The following PHF21A variants were observed in gnomAD, a reference collection of about 807,000 sequenced individuals.
The protein encoded by PHF21A is BHC80a.
PHF21A carries 11 observed loss-of-function variants against 82.5 expected under a neutral mutation model. That is an observed-to-expected ratio of 0.13 (90% confidence interval 0.08 to 0.22). The LOEUF is 0.22. Among genes scored for constraint, PHF21A ranks in the 10% least tolerant of loss-of-function variants. PHF21A has a pLI of 1.00. For missense variants in PHF21A, 579 were observed against 837.8 expected, an observed-to-expected ratio of 0.69 and a Z score of 3.81; for synonymous variants, 297 against 302.8, an observed-to-expected ratio of 0.98 and a Z score of 0.20.
At chr11:46,017,606 TCTC>T (rs2095542598) in intron 6 of PHF21A, among the ~76,000 whole-genome samples, 1 of 151,474 alleles carries the variant, frequency 6.6e-6, no homozygotes, top group Non-Finnish European at 1.5e-5. Context: ...ACCTCCCTCA[TCTC>T]CTCAAAAAAA....
intron 6 of PHF21A, among the ~76,000 whole-genome samples, chr11:45,993,328 C>T (rs1479353679): frequency 6.6e-6 from 1 of 151,986 alleles, no homozygotes; most frequent in Non-Finnish European, 1.5e-5. Context: ...CAGCACTTTA[C>T]GATTGTAAAT....
chr11:45,982,130 T>A (rs1325207913), intron 6 of PHF21A, among the ~76,000 whole-genome samples: 1 of 152,070 alleles, frequency 6.6e-6, no homozygotes, highest in African/African-American at 2.4e-5. Context: ...CTAATTTTTT[T>A]ATTTTTTGTA....
At chr11:46,026,261 C>T (rs943073072) in intron 6 of PHF21A, among the ~76,000 whole-genome samples, 2 of 152,142 alleles carry the variant, frequency 1.3e-5, no homozygotes, top group African/African-American at 4.8e-5. Context: ...CACCCCAGCT[C>T]AGTGGCATGG....
At chr11:46,021,071 A>C (rs532850031) in intron 6 of PHF21A, among the ~76,000 whole-genome samples, 1 of 148,686 alleles carries the variant, frequency 6.7e-6, no homozygotes, top group East Asian at 1.9e-4. Flanking sequence ...TAAAAAAAAA[A>C]AAAAGAGAGA....
intron 6 of PHF21A, among the ~76,000 whole-genome samples, chr11:46,067,665 G>A (rs927630630): frequency 2.0e-5 from 3 of 151,442 alleles, no homozygotes; most frequent in African/African-American, 7.3e-5. Context: ...ACCCTTGGTA[G>A]GGACATCCTT....
intron 6 of PHF21A, among the ~76,000 whole-genome samples, chr11:45,988,907 A>T (rs1238640593): frequency 1.3e-5 from 2 of 152,148 alleles, no homozygotes; most frequent in Non-Finnish European, 2.9e-5. Flanking sequence ...GAAAGAAAAG[A>T]TTCTAAAGCT....
At chr11:45,980,052 T>C (rs1591540301) in intron 6 of PHF21A, 86 bp from the exon 7 acceptor site, 3 of 1,577,186 alleles carry the variant, frequency 1.9e-6, no homozygotes, top group East Asian at 2.3e-5. Context: ...ATCTTTTCTA[T>C]AAATAGCTTC....
chr11:46,031,067 G>A (rs1055466579), intron 6 of PHF21A, among the ~76,000 whole-genome samples: 2 of 152,200 alleles, frequency 1.3e-5, no homozygotes, highest in Middle Eastern at 3.4e-3. Context: ...TACGACAAGC[G>A]ATCACGTAGT....
chr11:45,987,344 C>A (rs934169429), intron 6 of PHF21A, among the ~76,000 whole-genome samples: 1 of 151,870 alleles, frequency 6.6e-6, no homozygotes, highest in Non-Finnish European at 1.5e-5. Context: ...ATAATCTGCA[C>A]AATTTAGCTG....
At chr11:45,999,387 G>A (rs532140175) in intron 6 of PHF21A, among the ~76,000 whole-genome samples, 124 of 152,270 alleles carry the variant, frequency 8.1e-4, no homozygotes, top group African/African-American at 2.6e-3. Flanking sequence ...CCTGCTAGTG[G>A]TTGATTATAG....
intron 10 of PHF21A, among the ~76,000 whole-genome samples, chr11:45,957,533 A>G (rs2092729149): frequency 6.6e-6 from 1 of 152,162 alleles, no homozygotes; most frequent in African/African-American, 2.4e-5. Context: ...TTCTTAAACA[A>G]GCAATGGGTA....
chr11:46,108,557 G>A (rs191732233), intron 1 of PHF21A, among the ~76,000 whole-genome samples: 1 of 75,702 alleles, frequency 1.3e-5, no homozygotes, highest in South Asian at 5.1e-4. Flanking sequence ...CTTTAAAAAT[G>A]TGTGTGTGTG....
intron 5 of PHF21A, among the ~76,000 whole-genome samples, chr11:46,077,741 C>T (rs1220436671): frequency 6.6e-6 from 1 of 152,152 alleles, no homozygotes; most frequent in East Asian, 1.9e-4. Context: ...GTCCTGCCTA[C>T]CTCAGATTCT....
chr11:45,947,579 C>A (rs2091484343), intron 14 of PHF21A, among the ~76,000 whole-genome samples: 1 of 152,162 alleles, frequency 6.6e-6, no homozygotes, highest in Admixed American at 6.5e-5. Context: ...TGTTTACCCA[C>A]AAAAGGCATA....
chr11:45,986,491 T>C (rs2094495855), intron 6 of PHF21A, among the ~76,000 whole-genome samples: 1 of 152,154 alleles, frequency 6.6e-6, no homozygotes, highest in Non-Finnish European at 1.5e-5. Flanking sequence ...CATACGACGA[T>C]GCTGCAGCAA....
intron 17 of PHF21A, among the ~76,000 whole-genome samples, chr11:45,936,290 G>GAAT (rs1319989028): frequency 6.6e-6 from 1 of 152,034 alleles, no homozygotes; most frequent in Non-Finnish European, 1.5e-5. Context: ...AAAAATAAAT[G>GAAT]AATAATAATA....
At chr11:45,948,242 G>A (rs2091581765) in intron 14 of PHF21A, among the ~76,000 whole-genome samples, 1 of 152,212 alleles carries the variant, frequency 6.6e-6, no homozygotes, top group Admixed American at 6.5e-5. Flanking sequence ...AGACACTGCT[G>A]CTGCTACTGC....
At chr11:45,973,696 T>C (rs1037677505) in intron 7 of PHF21A, among the ~76,000 whole-genome samples, 1 of 152,218 alleles carries the variant, frequency 6.6e-6, no homozygotes, top group Non-Finnish European at 1.5e-5. Flanking sequence ...CAGCAATTTG[T>C]AGTAAGTGTT....
chr11:46,001,829 A>G lies in PHF21A; in HGVS notation c.154-21863T>C, dbSNP rs368170466. On this transcript the variant is annotated intron_variant, in intron 6 of 18. Coordinates refer to ENST00000676320, the MANE Select transcript of PHF21A (RefSeq NM_001352027.3). Reference sequence around the variant, plus strand: ...TTGCATTCCATTTTTAACTAGAGGGAAGAGGATGGAGGTCTTTGGTTTCTA... The same window carrying G: ...TTGCATTCCATTTTTAACTAGAGGGGAGAGGATGGAGGTCTTTGGTTTCTA... Among the ~76,000 whole-genome samples, 72 of 152,298 alleles carry G rather than the reference A, an allele frequency of 4.7e-4. 1 individual carries two copies. In the South Asian group the frequency reaches 0.014, roughly 29 times the overall value.
Sources: gnomAD v4.1 joint callset for allele counts (sites outside exome capture counted in the v4.1 genomes callset) on GRCh38, gnomAD v4.1.1 for gene constraint, MANE v1.5 for transcripts, NCBI Gene and HGNC (gene_info 2026-07-23, HGNC 2026-07-21) for gene names.